The following SLFN12L variants were observed in gnomAD, a reference collection of about 807,000 sequenced individuals.
SLFN12L encodes the protein schlafen family member 12-like.
In SLFN12L, 34 loss-of-function variants were observed where a neutral mutation model predicts 34.8. The observed-to-expected ratio is 0.98, with a 90% CI of 0.74 to 1.30. SLFN12L has a LOEUF of 1.30. SLFN12L is among the 50% of genes most tolerant of loss of function. The pLI is 0.00. For synonymous variants in SLFN12L, 259 were observed against 247.5 expected, an observed-to-expected ratio of 1.05 and a Z score of -0.44; for missense variants, 703 against 696.2, an observed-to-expected ratio of 1.01 and a Z score of -0.11.
chr17:35,497,239 A>G (rs1915115843), intron 2 of SLFN12L, among the ~76,000 whole-genome samples: 2 of 152,116 alleles, frequency 1.3e-5, no homozygotes, highest in East Asian at 1.9e-4. Flanking sequence ...AAAAATACAA[A>G]CATTAGCTGG....
chr17:35,469,302 A>T lies in SLFN12L; in HGVS notation c.*5621T>A, dbSNP rs1266381176. 5.1e-5 allele frequency among the ~76,000 whole-genome samples: 7 copies of T among 136,780 alleles called. No individual in the cohort carries two copies. Among genetic ancestry groups the T allele is most frequent in the African/African-American group, 1.7e-4 (6 of 35,234 alleles). The allele number at this position is 136,780 out of a possible 152,430, so 89.7% of individuals were successfully genotyped here. On this transcript the variant is annotated 3_prime_UTR_variant, in exon 5 of 5. Transcript: ENST00000628453. ...TGTTTTATATAAAATATATATATAT[A>T]AAATATATATATATTATATATATAA...
At chr17:35,485,163 C>A (rs1251740858) in intron 2 of SLFN12L, among the ~76,000 whole-genome samples, 2 of 152,208 alleles carry the variant, frequency 1.3e-5, no homozygotes, top group South Asian at 2.1e-4. Flanking sequence ...TTTCAAAAAA[C>A]CAACTCTTTA....
At chr17:35,535,188 T>TA (rs1567697577) in intron 1 of SLFN12L, among the ~76,000 whole-genome samples, 3 of 142,494 alleles carry the variant, frequency 2.1e-5, no homozygotes, top group South Asian at 2.2e-4. Context: ...TCTCTCTTTC[T>TA]CCTTTTTTTT....
intron 2 of SLFN12L, among the ~76,000 whole-genome samples, chr17:35,510,505 G>A (rs897799279): frequency 6.6e-6 from 1 of 152,198 alleles, no homozygotes; most frequent in African/African-American, 2.4e-5. Context: ...AGTCATAAAA[G>A]GTCACACGCT....
intron 2 of SLFN12L, among the ~76,000 whole-genome samples, chr17:35,507,468 G>C (rs1311801190): frequency 6.6e-6 from 1 of 152,174 alleles, no homozygotes; most frequent in Admixed American, 6.5e-5. Context: ...AAAATAGATT[G>C]GCTCTTGACA....
intron 1 of SLFN12L, among the ~76,000 whole-genome samples, chr17:35,528,942 C>T (rs1277189020): frequency 3.3e-5 from 5 of 152,100 alleles, no homozygotes; most frequent in Admixed American, 1.3e-4. Flanking sequence ...GCAATCTATC[C>T]ATGTGACAAA....
intron 1 of SLFN12L, among the ~76,000 whole-genome samples, chr17:35,524,233 GATAA>G (rs1237380440): frequency 6.6e-6 from 1 of 152,218 alleles, no homozygotes; most frequent in Non-Finnish European, 1.5e-5. Flanking sequence ...AGTTGGGGGA[GATAA>G]ATAAAACCCC....
At chr17:35,529,369 T>A (rs2142175642) in intron 1 of SLFN12L, among the ~76,000 whole-genome samples, 1 of 152,286 alleles carries the variant, frequency 6.6e-6, no homozygotes, top group African/African-American at 2.4e-5. Context: ...GATTATAAAT[T>A]ATTCTGCTAT....
chr17:35,472,030 G>T lies in SLFN12L; in HGVS notation c.*2893C>A, dbSNP rs927786278. ...TAGGTTGTCCGTTCACTCTGATGGT[G>T]GTTTCTTTCCCTGTACAGAAGCTCT... On this transcript the variant is annotated 3_prime_UTR_variant, in exon 5 of 5. Coordinates refer to ENST00000628453, the MANE Select transcript of SLFN12L (RefSeq NM_001363830.2). Among the ~76,000 whole-genome samples, 5 of 152,008 alleles carry T rather than the reference G, an allele frequency of 3.3e-5. No homozygotes were observed. Among genetic ancestry groups the T allele is most frequent in the Admixed American group, 6.6e-5 (1 of 15,254 alleles).
chr17:35,514,801 T>TA, intron 2 of SLFN12L: 1 of 400,484 alleles, frequency 2.5e-6, no homozygotes, highest in Non-Finnish European at 4.9e-6. Flanking sequence ...CGCCAGCACT[T>TA]ACAAGTCTCT....
intron 1 of SLFN12L, among the ~76,000 whole-genome samples, chr17:35,526,747 G>C (rs1274177567): frequency 6.6e-6 from 1 of 151,670 alleles, no homozygotes; most frequent in Non-Finnish European, 1.5e-5. Context: ...ATGCCCACAA[G>C]AAAAAGCAGG....
chr17:35,515,195 C>G (rs1380017718), intron 2 of SLFN12L: 3 of 597,134 alleles, frequency 5.0e-6, no homozygotes, highest in South Asian at 2.8e-5. Flanking sequence ...AGCCTCTTCC[C>G]CAGAACGCTG....
At chr17:35,517,824 C>A (rs1490316123) in intron 2 of SLFN12L, among the ~76,000 whole-genome samples, 3 of 152,154 alleles carry the variant, frequency 2.0e-5, no homozygotes, top group Admixed American at 2.0e-4. Context: ...ATAAATCATG[C>A]TGGGAAAACT....
intron 2 of SLFN12L, among the ~76,000 whole-genome samples, chr17:35,482,388 C>A (rs990919144): frequency 6.6e-6 from 1 of 152,192 alleles, no homozygotes; most frequent in Non-Finnish European, 1.5e-5. Context: ...CAGGGAGGGG[C>A]AGCTAGGGCT....
intron 1 of SLFN12L, among the ~76,000 whole-genome samples, chr17:35,530,494 AAG>A (rs950884601): frequency 2.3e-5 from 1 of 43,648 alleles, no homozygotes; most frequent in African/African-American, 6.3e-5. Context: ...GAAAGAAAGA[AAG>A]AAAGAAAGAA....
chr17:35,503,870 G>A (rs757753649), intron 2 of SLFN12L, among the ~76,000 whole-genome samples: 5 of 151,924 alleles, frequency 3.3e-5, no homozygotes, highest in Admixed American at 6.6e-5. Flanking sequence ...GCTATCCACC[G>A]AGACTGCTGT....
intron 2 of SLFN12L, among the ~76,000 whole-genome samples, chr17:35,518,549 T>TA (rs145135287): frequency 0.57 from 79,201 of 137,754 alleles, 23,368 homozygotes; most frequent in Admixed American, 0.67. Flanking sequence ...AGACTGTATT[T>TA]AAAAAAAAAA....
At chr17:35,476,517 GGAAA>G (rs1180857497) in intron 4 of SLFN12L, among the ~76,000 whole-genome samples, 3 of 133,508 alleles carry the variant, frequency 2.2e-5, no homozygotes, top group East Asian at 2.5e-4. Context: ...AAGGAAGGAA[GGAAA>G]GAAGGAAGGA....
rs116342482 is a variant in SLFN12L, at chr17:35,489,720, T to A, written c.87-9525A>T. On this transcript the variant is annotated intron_variant, in intron 2 of 4. Transcript: ENST00000628453. ...AAAAAAGGAACATCACATGATCATT[T>A]CAATAGATACCGAAAAAGCATTTGA... Among the ~76,000 whole-genome samples, 234 of 152,300 alleles carry A rather than the reference T, an allele frequency of 1.5e-3. 2 individuals carry two copies. Among genetic ancestry groups the A allele is most frequent in the African/African-American group, 5.5e-3 (230 of 41,562 alleles).
Sources: gnomAD v4.1 joint callset for allele counts (sites outside exome capture counted in the v4.1 genomes callset) on GRCh38, gnomAD v4.1.1 for gene constraint, MANE v1.5 for transcripts, NCBI Gene and HGNC (gene_info 2026-07-23, HGNC 2026-07-21) for gene names.